Variants in PRRT2 observed in about 807,000 individuals in gnomAD.
PRRT2 encodes proline-rich transmembrane protein 2.
A neutral mutation model predicts 24.7 loss-of-function variants in PRRT2; 9 were observed. The ratio of observed to expected loss-of-function variants is 0.36; its 90% CI spans 0.22 to 0.64. PRRT2 has a LOEUF of 0.64. PRRT2 is among the 30% of genes least tolerant of loss of function. The probability of loss-of-function intolerance (pLI) is 0.65; values close to 1 mark genes in which losing one functional copy is unlikely to be tolerated. For synonymous variants in PRRT2, 195 were observed against 175.5 expected (o/e 1.11, Z -0.88); for missense variants, 460 against 435.0 (o/e 1.06, Z -0.51).
chr16:29,814,628 T>C lies in PRRT2; in HGVS notation c.1013T>C (p.Val338Ala), dbSNP rs144540943. 2.8e-4 allele frequency: 453 copies of C among 1,594,682 alleles called. 1 individual carries two copies. Among genetic ancestry groups the C allele is most frequent in the Non-Finnish European group, 3.6e-4 (417 of 1,168,830 alleles). Residue 338 changes from valine (V) to alanine (A), a missense_variant and splice_region_variant, in exon 4 of 4, where the codon GTG (valine) becomes GCG (alanine). Val to Ala is a moderately conservative substitution (Grantham distance 64, BLOSUM62 0). This residue lies in a region of PRRT2 where 64 missense variants were observed against 71.2 expected (regional missense o/e 0.90). Transcript: ENST00000358758. The surrounding 1 kb of genome is among the most constrained non-coding windows in gnomAD (Gnocchi z 4.1). ...IIASCVINLG[V>A]YK ...TGTCCTTCCCTCTCCTCTCCCACAGTGTATAAGTGAGGGGCTCTGCCCCGC... is the reference window on the plus strand; with the variant it reads ...TGTCCTTCCCTCTCCTCTCCCACAGCGTATAAGTGAGGGGCTCTGCCCCGC...
Position 29,813,360 on chromosome 16 carries a change from A to G in PRRT2, c.306A>G (p.Glu102=), listed in dbSNP as rs770033931. Residue 102 remains glutamate (E), a synonymous_variant, in exon 2 of 4, where the codon GAA becomes GAG. Transcript: ENST00000358758. The part of the protein sequence containing the change: ...GGESKANCSP[E]DPCQETVSKP... ...AATCAAAGGCCAACTGCAGCCCCGA[A>G]GACCCATGCCAAGAAACAGTGTCCA... is the stretch of plus-strand genomic sequence containing the variant. 6.2e-7 allele frequency: 1 copy of G among 1,614,140 alleles called. No homozygotes were observed. Among genetic ancestry groups the G allele is most frequent in the Admixed American group, 1.7e-5 (1 of 60,022 alleles).
chr16:29,812,950 T>A, intron 1 of PRRT2, 40 bp from the exon 2 acceptor site: 1 of 1,295,304 alleles, frequency 7.7e-7, no homozygotes, highest in Non-Finnish European at 1.1e-6. Flanking sequence ...CTGAGCGCCC[T>A]CTTCCCTCCT....
At position 29,813,767 on chromosome 16, in the gene PRRT2, C is replaced by G; in HGVS notation, c.713C>G (p.Ser238Cys). ...MRRAHSGHPG[S>C]PRGSLSRHPS... The stretch of plus-strand genomic sequence containing the variant: ...AGGGCACACAGTGGGCATCCAGGAT[C>G]TCCCCGAGGTAGCCTGAGCCGCCAC... Residue 238 changes from serine (S) to cysteine (C), a missense_variant, in exon 2 of 4, where the codon TCT becomes TGT. By Grantham distance (112) the Ser-to-Cys change is moderately radical (BLOSUM62 -1). Transcript: ENST00000358758. The G allele has an allele frequency of 6.3e-7, 1 of 1,594,578 alleles. No individual in the cohort carries two copies. The highest frequency in any genetic ancestry group is 1.7e-4 in the Middle Eastern group (1 of 5,940).
chr16:29,813,073 G>C lies in PRRT2; in HGVS notation c.19G>C (p.Glu7Gln). ...TCTCAAGATGGCAGCCAGCAGCTCT[G>C]AGATCTCTGAGATGAAGGGGGTTGA... The part of the protein sequence containing the change: MAASSS[E>Q]ISEMKGVEES... Residue 7 changes from glutamate to glutamine, a missense_variant, in exon 2 of 4, where the codon GAG becomes CAG. By Grantham distance (29) the Glu-to-Gln change is conservative. Coordinates refer to ENST00000358758, the MANE Select transcript of PRRT2 (RefSeq NM_145239.3). 1 of 1,607,564 alleles carries C rather than the reference G, an allele frequency of 6.2e-7. No individual in the cohort carries two copies. Among genetic ancestry groups the C allele is most frequent in the Non-Finnish European group, 8.5e-7 (1 of 1,177,136 alleles).
In PRRT2 at chr16:29,814,745, G is replaced by A; in HGVS notation, c.*107G>A. 1 of 1,256,850 alleles carries A rather than the reference G, an allele frequency of 8.0e-7. No individual in the cohort carries two copies. The highest frequency in any genetic ancestry group is 1.1e-6 in the Non-Finnish European group (1 of 906,702). The allele number at this position is 1,256,850 out of a possible 1,614,324, so 77.9% of individuals were successfully genotyped here. On this transcript the variant is annotated 3_prime_UTR_variant, in exon 4 of 4. Transcript: ENST00000358758. The surrounding 1 kb of genome is among the most constrained non-coding windows in gnomAD (Gnocchi z 4.1). ...TGATGGCCCTGGCCCCCACCCCTAA[G>A]GACCAAGGGAGCCTGAGCGGCCTTG...
Position 29,814,180 on chromosome 16 carries a change from T to G in PRRT2, c.880-153T>G, listed in dbSNP as rs1316021395. 57 of 1,493,264 alleles carry G rather than the reference T, an allele frequency of 3.8e-5. No homozygotes were observed. In the East Asian group the frequency reaches 1.2e-3, roughly 33 times the overall value. The allele number at this position is 1,493,264 out of a possible 1,614,324, so 92.5% of individuals were successfully genotyped here. On this transcript the variant is annotated intron_variant, in intron 2 of 3. Coordinates refer to ENST00000358758, the MANE Select transcript of PRRT2 (RefSeq NM_145239.3). The surrounding 1 kb of genome is among the most constrained non-coding windows in gnomAD (Gnocchi z 4.1). Reference sequence around the variant, plus strand: ...CACACAGCCTCGCTGACCTGTGCCCTCCTCCCCCTGCCCCTTCACTCCTCC... The same window carrying G: ...CACACAGCCTCGCTGACCTGTGCCCGCCTCCCCCTGCCCCTTCACTCCTCC...
Position 29,815,442 on chromosome 16 carries a change from C to T in PRRT2, c.*804C>T, listed in dbSNP as rs1900198238. On this transcript the variant is annotated 3_prime_UTR_variant, in exon 4 of 4. Transcript: ENST00000358758. ...GGAGAAGGGAGGGACGCGGCGCTGACCCTTCCAGGTCAGCTGGAGTTGACC... is the reference window on the plus strand; with the variant it reads ...GGAGAAGGGAGGGACGCGGCGCTGATCCTTCCAGGTCAGCTGGAGTTGACC... The T allele has an allele frequency of 3.3e-5, 5 of 152,514 alleles. No homozygotes were observed. The South Asian group carries it at 1.0e-3, about 32-fold the overall frequency. The allele number at this position is 152,514 out of a possible 1,614,324, so 9.4% of individuals were successfully genotyped here.
Position 29,814,704 on chromosome 16 carries a change from C to G in PRRT2, c.*66C>G. On this transcript the variant is annotated 3_prime_UTR_variant, in exon 4 of 4. Coordinates refer to ENST00000358758, the MANE Select transcript of PRRT2 (RefSeq NM_145239.3). The surrounding 1 kb of genome is among the most constrained non-coding windows in gnomAD (Gnocchi z 4.1). ...GAGCTGCCTTGGGCCCATCCCTCCC[C>G]TGGGGGGAGCCCAACTGATGGCCCT... is the stretch of plus-strand genomic sequence containing the variant. 5.9e-6 allele frequency: 9 copies of G among 1,535,882 alleles called. 1 individual carries two copies. In the South Asian group the frequency reaches 1.0e-4, roughly 17 times the overall value.
In PRRT2 at chr16:29,813,303, G is replaced by A; in HGVS notation, c.249G>A (p.Gln83=). 1.2e-6 allele frequency: 2 copies of A among 1,614,054 alleles called. No homozygotes were observed. The highest frequency in any genetic ancestry group is 2.7e-5 in the African/African-American group (2 of 75,054). The change falls in exon 2 of 4, where the codon CAG becomes CAA. Residue 83 remains glutamine (Q), a synonymous_variant. Coordinates refer to ENST00000358758, the MANE Select transcript of PRRT2 (RefSeq NM_145239.3). The part of the protein sequence containing the change: ...ETPAGASETA[Q]ATDLSLSPGG... ...CGGCTGGGGCCTCAGAAACAGCCCA[G>A]GCCACAGACCTCAGCTTAAGCCCAG...
In PRRT2 at chr16:29,813,104, G is replaced by A; in HGVS notation, c.50G>A (p.Ser17Asn). The change falls in exon 2 of 4, where the codon AGT becomes AAT. Residue 17 changes from serine to asparagine, a missense_variant. Around this residue, in one of 3 missense-constraint regions of PRRT2, gnomAD observed 378 missense variants for 324.6 expected, o/e 1.16. Coordinates refer to ENST00000358758, the MANE Select transcript of PRRT2 (RefSeq NM_145239.3). ...TCTGAGATGAAGGGGGTTGAGGAGAGTCCCAAGGTTCCAGGCGAAGGGCCT... is the reference window on the plus strand; with the variant it reads ...TCTGAGATGAAGGGGGTTGAGGAGAATCCCAAGGTTCCAGGCGAAGGGCCT... ...EISEMKGVEE[S>N]PKVPGEGPGH... The A allele has an allele frequency of 8.1e-6, 13 of 1,613,696 alleles. No individual in the cohort carries two copies. The highest frequency in any genetic ancestry group is 1.0e-5 in the Non-Finnish European group (12 of 1,179,796).
In PRRT2 at chr16:29,813,398, G is replaced by C; in HGVS notation, c.344G>C (p.Ser115Thr). The change falls in exon 2 of 4, where the codon AGC becomes ACC. Residue 115 changes from serine (S) to threonine (T), a missense_variant. Ser to Thr is a moderately conservative substitution (Grantham distance 58, BLOSUM62 1). This residue lies in a region of PRRT2 where 378 missense variants were observed against 324.6 expected (regional missense o/e 1.16). Transcript: ENST00000358758. ...CQETVSKPEV[S>T]KEATADQGSR... is the part of the protein sequence containing the mutation. ...GAAACAGTGTCCAAACCAGAAGTGA[G>C]CAAAGAGGCCACTGCAGACCAGGGG... The C allele has an allele frequency of 1.2e-6, 2 of 1,614,158 alleles. No homozygotes were observed. The highest frequency in any genetic ancestry group is 1.7e-6 in the Non-Finnish European group (2 of 1,180,026).
At position 29,814,611 on chromosome 16, in the gene PRRT2, C is replaced by T. The variant is rs773268933; in HGVS notation, c.1013-17C>T. ...CTCCCCCTCCCCCCGTCTGTCCTTC[C>T]CTCTCCTCTCCCACAGTGTATAAGT... On this transcript the variant is annotated splice_polypyrimidine_tract_variant and intron_variant, in intron 3 of 3. Transcript: ENST00000358758. The surrounding 1 kb of genome is among the most constrained non-coding windows in gnomAD (Gnocchi z 4.1). 6.2e-6 allele frequency: 10 copies of T among 1,612,844 alleles called. No homozygotes were observed. Among genetic ancestry groups the T allele is most frequent in the Middle Eastern group, 1.7e-4 (1 of 6,060 alleles).
rs561799700 is a variant in PRRT2, at chr16:29,814,061, A to G, written c.879+128A>G. 325 of 1,475,522 alleles carry G rather than the reference A, an allele frequency of 2.2e-4. 1 individual carries two copies. Among genetic ancestry groups the G allele is most frequent in the Non-Finnish European group, 2.2e-5 (25 of 1,121,200 alleles). The allele number at this position is 1,475,522 out of a possible 1,614,324, so 91.4% of individuals were successfully genotyped here. A position where few individuals can be genotyped will look rare whatever the true frequency, so the allele number is the denominator to read the frequency against. ...TCTCTGCATGGATCCCACCTCCCCAATTCCAGGGCCTTTGTTTGCCTCTCC... is the reference window on the plus strand; with the variant it reads ...TCTCTGCATGGATCCCACCTCCCCAGTTCCAGGGCCTTTGTTTGCCTCTCC... On this transcript the variant is annotated intron_variant, in intron 2 of 3. Transcript: ENST00000358758. The surrounding 1 kb of genome is among the most constrained non-coding windows in gnomAD (Gnocchi z 4.1).
chr16:29,814,593 T>TC lies in PRRT2; in HGVS notation c.1013-29dup, dbSNP rs754459153. 413 of 1,602,800 alleles carry TC rather than the reference T, an allele frequency of 2.6e-4. No homozygotes were observed. Among genetic ancestry groups the TC allele is most frequent in the Non-Finnish European group, 3.4e-4 (399 of 1,171,402 alleles). The stretch of plus-strand genomic sequence containing the variant: ...TCCTTTGTCTCTCCTTGTCTCCCCC[T>TC]CCCCCCGTCTGTCCTTCCCTCTCCT... On this transcript the variant is annotated intron_variant, in intron 3 of 3. Coordinates refer to ENST00000358758, the MANE Select transcript of PRRT2 (RefSeq NM_145239.3). The surrounding 1 kb of genome is among the most constrained non-coding windows in gnomAD (Gnocchi z 4.1).
chr16:29,815,153 C>G lies in PRRT2; in HGVS notation c.*515C>G, dbSNP rs1900184290. On this transcript the variant is annotated 3_prime_UTR_variant, in exon 4 of 4. Transcript: ENST00000358758. ...TCCACGTCCCGCCCCCTTCCTCTTC[C>G]TGCCTCCTCATCTCCCTTAAGCATC... The G allele has an allele frequency of 6.3e-6, 1 of 158,892 alleles. No homozygotes were observed. 9.8% of individuals were successfully genotyped at this position (158,892 alleles called of 1,614,324 possible).
In PRRT2 at chr16:29,814,471, T is replaced by C. The variant is rs775846239; in HGVS notation, c.1012+6T>C. ...CTGCGTCATCAACTTAGGCGGTGAGTGGGGGCTTGGGACAGGCAGGGGAGG... is the reference window on the plus strand; with the variant it reads ...CTGCGTCATCAACTTAGGCGGTGAGCGGGGGCTTGGGACAGGCAGGGGAGG... On this transcript the variant is annotated splice_donor_region_variant and intron_variant, in intron 3 of 3. Coordinates refer to ENST00000358758, the MANE Select transcript of PRRT2 (RefSeq NM_145239.3). The surrounding 1 kb of genome is among the most constrained non-coding windows in gnomAD (Gnocchi z 4.1). 5 of 1,603,332 alleles carry C rather than the reference T, an allele frequency of 3.1e-6. No individual in the cohort carries two copies. In the South Asian group the frequency reaches 5.6e-5, roughly 18 times the overall value.
Position 29,813,332 on chromosome 16 carries a change from G to A in PRRT2, c.278G>A (p.Gly93Glu). The A allele has an allele frequency of 6.2e-7, 1 of 1,614,116 alleles. No homozygotes were observed. The highest frequency in any genetic ancestry group is 8.5e-7 in the Non-Finnish European group (1 of 1,180,020). The change falls in exon 2 of 4, where the codon GGG becomes GAG. Residue 93 changes from glycine to glutamate, a missense_variant. By Grantham distance (98) the Gly-to-Glu change is moderately conservative (BLOSUM62 -2). Coordinates refer to ENST00000358758, the MANE Select transcript of PRRT2 (RefSeq NM_145239.3). ...QATDLSLSPG[G>E]ESKANCSPED... ...ACAGACCTCAGCTTAAGCCCAGGAGGGGAATCAAAGGCCAACTGCAGCCCC... is the reference window on the plus strand; with the variant it reads ...ACAGACCTCAGCTTAAGCCCAGGAGAGGAATCAAAGGCCAACTGCAGCCCC...
chr16:29,813,461 C>T lies in PRRT2; in HGVS notation c.407C>T (p.Pro136Leu). Residue 136 changes from proline (P) to leucine (L), a missense_variant, in exon 2 of 4, where the codon CCA becomes CTA. By Grantham distance (98) the Pro-to-Leu change is moderately conservative (BLOSUM62 -3). Transcript: ENST00000358758. ...TCTGCAGCCCCACCTGAACCAGCCC[C>T]AGAGCCTGCTCCCCAACCAGACCCC... The part of the protein sequence containing the change: ...LESAAPPEPA[P>L]EPAPQPDPRP... The T allele has an allele frequency of 6.2e-7, 1 of 1,613,910 alleles. No homozygotes were observed. Among genetic ancestry groups the T allele is most frequent in the South Asian group, 1.1e-5 (1 of 91,028 alleles).
In PRRT2 at chr16:29,814,217, C is replaced by A. The variant is rs1900129654; in HGVS notation, c.880-116C>A. 2.0e-6 allele frequency: 3 copies of A among 1,494,720 alleles called. No homozygotes were observed. In the South Asian group the frequency reaches 4.0e-5, roughly 20 times the overall value. 92.6% of individuals were successfully genotyped at this position (1,494,720 alleles called of 1,614,324 possible). A position where few individuals can be genotyped will look rare whatever the true frequency, so the allele number is the denominator to read the frequency against. On this transcript the variant is annotated intron_variant, in intron 2 of 3. Coordinates refer to ENST00000358758, the MANE Select transcript of PRRT2 (RefSeq NM_145239.3). The surrounding 1 kb of genome is among the most constrained non-coding windows in gnomAD (Gnocchi z 4.1). ...CCCTTCACTCCTCCTTCCTCCCTTA[C>A]CCGCCATCTATGGGGCTGGCCTCTC...
Sources: allele counts gnomAD v4.1 joint callset, GRCh38; gene constraint gnomAD v4.1.1; regional missense constraint gnomAD v4.1.1; non-coding constraint Gnocchi (gnomAD v3.1); transcripts MANE v1.5; gene names NCBI Gene and HGNC (gene_info 2026-07-23, HGNC 2026-07-21).